The following PLCXD1 variants were observed in gnomAD, a reference collection of about 807,000 sequenced individuals.
PLCXD1 encodes PI-PLC X domain-containing protein 1.
A neutral mutation model predicts 37.8 loss-of-function variants in PLCXD1; 45 were observed. That is an observed-to-expected ratio of 1.19 (90% CI 0.94 to 1.53). The LOEUF (loss-of-function observed/expected upper bound fraction) is 1.53, where lower values mean the gene tolerates loss of function less well. PLCXD1 is among the 40% of genes most tolerant of loss of function. PLCXD1 has a pLI of 0.00. For synonymous variants in PLCXD1, 246 were observed against 206.9 expected, an observed-to-expected ratio of 1.19 and a Z score of -1.62; for missense variants, 539 against 454.7, an observed-to-expected ratio of 1.19 and a Z score of -1.69.
chrX:296,162 C>G (rs1213869488), intron 6 of PLCXD1, among the ~76,000 whole-genome samples: 9 of 151,516 alleles, frequency 5.9e-5, no homozygotes, highest in Admixed American at 4.6e-4. Flanking sequence ...GCTCTGTCAC[C>G]CAGGCTGGAG....
At position 299,081 on chromosome X, in the gene PLCXD1, A is replaced by C; in HGVS notation, c.734-16A>C. 2 of 1,597,080 alleles carry C rather than the reference A, an allele frequency of 1.3e-6. No individual in the cohort carries two copies. The highest frequency in any genetic ancestry group is 8.6e-7 in the Non-Finnish European group (1 of 1,164,624). ...GCCCGTGACCGTGTAACCTCTCCCCACCCTCACCGTTGCAGGAGGGTTGTT... is the reference window on the plus strand; with the variant it reads ...GCCCGTGACCGTGTAACCTCTCCCCCCCCTCACCGTTGCAGGAGGGTTGTT... On this transcript the variant is annotated splice_polypyrimidine_tract_variant and intron_variant, in intron 6 of 6. Coordinates refer to ENST00000381657, the MANE Select transcript of PLCXD1 (RefSeq NM_018390.4).
At chrX:296,799 G>T (rs2069823249) in intron 6 of PLCXD1, among the ~76,000 whole-genome samples, 1 of 152,130 alleles carries the variant, frequency 6.6e-6, no homozygotes, top group African/African-American at 2.4e-5. Flanking sequence ...ATGGGATTAG[G>T]ACGTGGACAT....
At position 297,657 on chromosome X, in the gene PLCXD1, TTCTG is replaced by T. The variant is rs776962791; in HGVS notation, c.734-1436_734-1433del. ...GACGTGGACATCTTTGGGGACATTA[TTCTG>T]TCTATCACATGGGGATTAGGACGTG... On this transcript the variant is annotated intron_variant, in intron 6 of 6. Transcript: ENST00000381657. Among the ~76,000 whole-genome samples, 18 of 47,518 alleles carry T rather than the reference TTCTG, an allele frequency of 3.8e-4. 1 individual carries two copies. The highest frequency in any genetic ancestry group is 1.9e-3 in the East Asian group (2 of 1,044). 31.2% of individuals were successfully genotyped at this position (47,518 alleles called of 152,430 possible). A position where few individuals can be genotyped will look rare whatever the true frequency, so the allele number is the denominator to read the frequency against.
At chrX:280,122 G>A (rs1602821289), upstream of PLCXD1, among the ~76,000 whole-genome samples, 12 of 152,174 alleles carry the variant, frequency 7.9e-5, 1 homozygote, top group Admixed American at 5.9e-4. Flanking sequence ...GTGTTGAAGT[G>A]CTCGAATTAC....
At chrX:294,797 C>CT (rs2069753075) in intron 6 of PLCXD1, among the ~76,000 whole-genome samples, 1 of 151,908 alleles carries the variant, frequency 6.6e-6, no homozygotes, top group Non-Finnish European at 1.5e-5. Context: ...GAGCGAGACT[C>CT]TGTCTCAAAA....
At chrX:288,507 C>G (rs1345528732) in intron 2 of PLCXD1, among the ~76,000 whole-genome samples, 3 of 152,170 alleles carry the variant, frequency 2.0e-5, no homozygotes, top group Non-Finnish European at 2.9e-5. Flanking sequence ...AGGATGATCT[C>G]ATTTCAACCT....
intron 1 of PLCXD1, 61 bp from the exon 2 acceptor site, chrX:284,106 G>C: frequency 7.3e-7 from 1 of 1,378,460 alleles, no homozygotes. Context: ...GGCCAGGCTG[G>C]TCTCGAACTC....
chrX:289,849 G>A (rs1462135718), intron 3 of PLCXD1, among the ~76,000 whole-genome samples: 2 of 152,026 alleles, frequency 1.3e-5, no homozygotes, highest in Non-Finnish European at 2.9e-5. Flanking sequence ...AGACAGACAA[G>A]GACTCATTTC....
intron 5 of PLCXD1, 32 bp downstream of exon 5, chrX:291,686 C>G (rs781517541): frequency 3.1e-6 from 5 of 1,608,720 alleles, no homozygotes; most frequent in Non-Finnish European, 4.2e-6. Flanking sequence ...GCACGTCTCT[C>G]CCGGGGCAGG....
upstream of PLCXD1, among the ~76,000 whole-genome samples, chrX:278,876 T>C (rs28785030): frequency 1.3e-5 from 2 of 152,038 alleles, no homozygotes; most frequent in Non-Finnish European, 2.9e-5. Flanking sequence ...ACGTCAGACA[T>C]GAATCCATAC....
At chrX:286,961 G>T (rs2069466213) in intron 2 of PLCXD1, among the ~76,000 whole-genome samples, 1 of 151,766 alleles carries the variant, frequency 6.6e-6, no homozygotes, top group Non-Finnish European at 1.5e-5. Context: ...TGCCTCTCGG[G>T]GTCTGGGGAT....
intron 2 of PLCXD1, among the ~76,000 whole-genome samples, chrX:285,903 G>A (rs2069439614): frequency 6.6e-6 from 1 of 152,140 alleles, no homozygotes; most frequent in Non-Finnish European, 1.5e-5. Flanking sequence ...GAACAACGTC[G>A]AGACGGGAGC....
intron 6 of PLCXD1, among the ~76,000 whole-genome samples, chrX:296,717 G>A (rs949262513): frequency 3.6e-4 from 55 of 152,242 alleles, no homozygotes; most frequent in Non-Finnish European, 5.7e-4. Context: ...CAAGACAACA[G>A]CATTCTTCCT....
At chrX:278,310 G>A (rs1211809694), upstream of PLCXD1, among the ~76,000 whole-genome samples, 3 of 152,094 alleles carry the variant, frequency 2.0e-5, no homozygotes, top group Non-Finnish European at 2.9e-5. Context: ...GACAGTAGCC[G>A]GAATGGATGG....
At chrX:296,209 C>T (rs1213416304) in intron 6 of PLCXD1, among the ~76,000 whole-genome samples, 2 of 152,102 alleles carry the variant, frequency 1.3e-5, no homozygotes, top group Non-Finnish European at 2.9e-5. Context: ...CAACCTCCAC[C>T]TCCTGGATTC....
chrX:299,361 C>A lies in PLCXD1; in HGVS notation c.*26C>A. 1 of 1,532,092 alleles carries A rather than the reference C, an allele frequency of 6.5e-7. No homozygotes were observed. The highest frequency in any genetic ancestry group is 9.0e-7 in the Non-Finnish European group (1 of 1,105,812). The allele number at this position is 1,532,092 out of a possible 1,614,324, so 94.9% of individuals were successfully genotyped here. A position where few individuals can be genotyped will look rare whatever the true frequency, so the allele number is the denominator to read the frequency against. ...CGGGACCCTTCTGAAGTTCGGGACG[C>A]GGCGGCTGCAGTTTCACCCCCGAAT... On this transcript the variant is annotated 3_prime_UTR_variant, in exon 7 of 7. Coordinates refer to ENST00000381657, the MANE Select transcript of PLCXD1 (RefSeq NM_018390.4).
intron 2 of PLCXD1, among the ~76,000 whole-genome samples, chrX:287,432 G>C (rs1357298641): frequency 7.3e-6 from 1 of 137,248 alleles, no homozygotes; most frequent in Non-Finnish European, 1.5e-5. Flanking sequence ...TTTATATATA[G>C]ATATATATAC....
intron 1 of PLCXD1, chrX:283,575 C>T (rs1340485598): frequency 1.4e-5 from 2 of 142,712 alleles, no homozygotes; most frequent in East Asian, 2.1e-4. Context: ...TGGTGTCAGG[C>T]CCGGGTGGGG....
Position 284,193 on chromosome X carries a change from T to G in PLCXD1, c.6T>G (p.Gly2=). The change falls in exon 2 of 7, where the codon GGT becomes GGG. Residue 2 remains glycine, a synonymous_variant. Coordinates refer to ENST00000381657, the MANE Select transcript of PLCXD1 (RefSeq NM_018390.4). ...TTGCCCAGGGCTCACCTCTGATGGG[T>G]GGGCAGGTGAGCGCTTCCAACAGCT... M[G]GQVSASNSFS... is the part of the protein sequence containing the mutation. 1 of 1,612,928 alleles carries G rather than the reference T, an allele frequency of 6.2e-7. No individual in the cohort carries two copies. Among genetic ancestry groups the G allele is most frequent in the Non-Finnish European group, 8.5e-7 (1 of 1,179,672 alleles).
Sources: gnomAD v4.1 joint callset for allele counts (sites outside exome capture counted in the v4.1 genomes callset) on GRCh38, gnomAD v4.1.1 for gene constraint, MANE v1.5 for transcripts, NCBI Gene and HGNC (gene_info 2026-07-23, HGNC 2026-07-21) for gene names.